NACC2: variants seen among roughly 807,000 people sequenced by gnomAD.
The protein encoded by NACC2 is NACC family member 2, also known as nucleus accumbens-associated protein 2.
In NACC2, 8 loss-of-function variants were observed where a neutral mutation model predicts 25.1. The ratio of observed to expected loss-of-function variants is 0.32; its 90% CI spans 0.19 to 0.57. The LOEUF is 0.57. Among genes scored for constraint, NACC2 ranks in the 20% least tolerant of loss-of-function variants. The pLI is 0.89. For missense variants in NACC2, 644 were observed against 650.2 expected, an observed-to-expected ratio of 0.99 and a Z score of 0.10; for synonymous variants, 435 against 294.7, an observed-to-expected ratio of 1.48 and a Z score of -4.88.
chr9:136,029,340 G>A (rs977138454), intron 2 of NACC2, among the ~76,000 whole-genome samples: 6 of 152,168 alleles, frequency 3.9e-5, no homozygotes, highest in Non-Finnish European at 8.8e-5. Flanking sequence ...CTGCAGAGAG[G>A]AGCTACCCAC....
intron 1 of NACC2, among the ~76,000 whole-genome samples, chr9:136,087,201 C>T (rs1349022713): frequency 6.6e-6 from 1 of 152,208 alleles, no homozygotes; most frequent in African/African-American, 2.4e-5. Flanking sequence ...TCCCTCAAAG[C>T]CTCTGGAGGA....
intron 1 of NACC2, among the ~76,000 whole-genome samples, chr9:136,088,732 G>T (rs1023046873): frequency 1.3e-5 from 2 of 152,190 alleles, no homozygotes; most frequent in Non-Finnish European, 2.9e-5. Flanking sequence ...CTGACCCACT[G>T]CTTCATGCCT....
At chr9:136,051,399 G>A (rs1840833305) in intron 1 of NACC2, among the ~76,000 whole-genome samples, 1 of 152,206 alleles carries the variant, frequency 6.6e-6, no homozygotes, top group African/African-American at 2.4e-5. Flanking sequence ...GGCCAATCCC[G>A]ACGGCCCGGC....
intron 2 of NACC2, among the ~76,000 whole-genome samples, chr9:136,035,657 C>T (rs958419525): frequency 2.0e-5 from 3 of 151,738 alleles, no homozygotes; most frequent in African/African-American, 7.3e-5. Context: ...TGAGATAACA[C>T]TTCTTGAATT....
At chr9:136,045,341 A>G (rs4842087) in intron 2 of NACC2, among the ~76,000 whole-genome samples, 35 of 61,656 alleles carry the variant, frequency 5.7e-4, no homozygotes, top group African/African-American at 1.5e-3. Flanking sequence ...GTCCCCTGCC[A>G]GGAAAGGGTT....
chr9:136,013,390 C>A lies in NACC2; in HGVS notation c.1158-94G>T. On this transcript the variant is annotated intron_variant, in intron 4 of 5. Transcript: ENST00000277554. This position sits in a 1 kb window ranked among gnomAD's most constrained non-coding sequence, Gnocchi z 6.6. ...GCACGAATGCCCTGCTGGGAGGCCACTTGGCCTCACCCTTGGCTGGTCTGC... is the reference window on the plus strand; with the variant it reads ...GCACGAATGCCCTGCTGGGAGGCCAATTGGCCTCACCCTTGGCTGGTCTGC... The A allele has an allele frequency of 1.8e-6, 2 of 1,140,026 alleles. No homozygotes were observed. The highest frequency in any genetic ancestry group is 2.6e-6 in the Non-Finnish European group (2 of 780,104). 70.6% of individuals were successfully genotyped at this position (1,140,026 alleles called of 1,614,324 possible).
At chr9:136,075,951 C>T (rs1414286787) in intron 1 of NACC2, among the ~76,000 whole-genome samples, 1 of 152,218 alleles carries the variant, frequency 6.6e-6, no homozygotes, top group Non-Finnish European at 1.5e-5. Context: ...GGCCCTGGGG[C>T]TGCTGCCCAC....
intron 2 of NACC2, among the ~76,000 whole-genome samples, chr9:136,030,588 C>T (rs1014804762): frequency 4.6e-5 from 7 of 150,730 alleles, no homozygotes; most frequent in East Asian, 2.0e-4. Flanking sequence ...CCAGCCTGGG[C>T]GACAGAGCAA....
chr9:136,032,087 C>A (rs987208030), intron 2 of NACC2, among the ~76,000 whole-genome samples: 1 of 152,240 alleles, frequency 6.6e-6, no homozygotes, highest in Non-Finnish European at 1.5e-5. Flanking sequence ...TCCTGGGATC[C>A]CACCGGCCTT....
intron 1 of NACC2, among the ~76,000 whole-genome samples, chr9:136,067,441 G>A (rs558224616): frequency 8.5e-5 from 13 of 152,250 alleles, no homozygotes; most frequent in South Asian, 2.1e-4. Context: ...GTTGATTAAC[G>A]ACGGGGATAT....
chr9:136,031,684 A>G (rs767804688), intron 2 of NACC2, among the ~76,000 whole-genome samples: 4 of 152,190 alleles, frequency 2.6e-5, no homozygotes, highest in Admixed American at 1.3e-4. Flanking sequence ...AAAACACAGA[A>G]CTTTTCCTTA....
intron 2 of NACC2, among the ~76,000 whole-genome samples, chr9:136,026,427 G>A (rs187072298): frequency 6.6e-6 from 1 of 152,008 alleles, no homozygotes; most frequent in East Asian, 1.9e-4. Context: ...CATAGGACTT[G>A]GGGAAAGCCT....
chr9:136,072,110 C>T (rs141906123), intron 1 of NACC2, among the ~76,000 whole-genome samples: 3,978 of 152,030 alleles, frequency 0.026, 78 homozygotes, highest in Middle Eastern at 0.048. Context: ...TGGTGATGTG[C>T]GCCTATAATC....
intron 1 of NACC2, among the ~76,000 whole-genome samples, chr9:136,060,931 T>C (rs1225316015): frequency 6.6e-6 from 1 of 151,560 alleles, no homozygotes; most frequent in East Asian, 1.9e-4. Context: ...GGTACAGGGG[T>C]CCGGGGGAAG....
chr9:136,057,130 C>T (rs1007180622), intron 1 of NACC2, among the ~76,000 whole-genome samples: 21 of 152,150 alleles, frequency 1.4e-4, no homozygotes, highest in Admixed American at 1.3e-3. Context: ...GTGGGGTGCC[C>T]GTGGCGTTGG....
rs1304500545 is a variant in NACC2, at chr9:136,008,718, C to T, written c.*2798G>A. The T allele has an allele frequency of 6.6e-6, 1 of 152,356 alleles. No individual in the cohort carries two copies. The highest frequency in any genetic ancestry group is 2.4e-5 in the African/African-American group (1 of 41,464). 9.4% of individuals were successfully genotyped at this position (152,356 alleles called of 1,614,324 possible). A position where few individuals can be genotyped will look rare whatever the true frequency, so the allele number is the denominator to read the frequency against. On this transcript the variant is annotated 3_prime_UTR_variant, in exon 6 of 6. Coordinates refer to ENST00000277554, the MANE Select transcript of NACC2 (RefSeq NM_144653.5). ...GCCCCTCTGAGCCCGGGCCGCCGCC[C>T]CCGCCCCACGGTACATTCAGGACGT...
At chr9:136,092,402 G>A (rs1327316362) in intron 1 of NACC2, among the ~76,000 whole-genome samples, 2 of 152,134 alleles carry the variant, frequency 1.3e-5, no homozygotes, top group African/African-American at 4.8e-5. Flanking sequence ...ACAAACTCCC[G>A]CACCTGCCCA....
chr9:136,043,425 G>A (rs960046453), intron 2 of NACC2, among the ~76,000 whole-genome samples: 34 of 152,332 alleles, frequency 2.2e-4, no homozygotes, highest in Admixed American at 1.0e-3. Context: ...TTCCACCCAC[G>A]AGGAAGGGCT....
At position 136,050,273 on chromosome 9, in the gene NACC2, G is replaced by A; in HGVS notation, c.249C>T (p.Ser83=). The change falls in exon 2 of 6, where the codon TCC becomes TCT. Residue 83 remains serine (S), a synonymous_variant. Transcript: ENST00000277554. ...TGGTGAGCCTGCCCGTGTAGCAGAAGGACAGGATCTGCTGGAAGCAGGCGG... is the reference window on the plus strand; with the variant it reads ...TGGTGAGCCTGCCCGTGTAGCAGAAAGACAGGATCTGCTGGAAGCAGGCGG... The part of the protein sequence containing the change: ...VPPACFQQIL[S]FCYTGRLTMT... The A allele has an allele frequency of 2.6e-6, 2 of 765,024 alleles. No individual in the cohort carries two copies. Among genetic ancestry groups the A allele is most frequent in the Non-Finnish European group, 4.8e-6 (2 of 412,866 alleles). 47.4% of individuals were successfully genotyped at this position (765,024 alleles called of 1,614,324 possible).
Sources: gnomAD v4.1 joint callset for allele counts (sites outside exome capture counted in the v4.1 genomes callset) on GRCh38, gnomAD v4.1.1 for gene constraint, Gnocchi (gnomAD v3.1) non-coding constraint, MANE v1.5 for transcripts, NCBI Gene and HGNC (gene_info 2026-07-23, HGNC 2026-07-21) for gene names.